The following KBTBD12 variants were observed in gnomAD, a reference collection of about 807,000 sequenced individuals.
KBTBD12 encodes the protein kelch repeat and BTB domain containing 12, also known as kelch repeat and BTB domain-containing protein 12.
A neutral mutation model predicts 58.7 loss-of-function variants in KBTBD12; 53 were observed. The ratio of observed to expected loss-of-function variants is 0.90; its 90% confidence interval spans 0.72 to 1.14. The LOEUF is 1.14. Ranked by LOEUF, KBTBD12 falls within the 50% of genes most tolerant of loss-of-function variation. The pLI is 0.00. For synonymous variants in KBTBD12, 236 were observed against 259.8 expected (o/e 0.91, Z 0.88); for missense variants, 704 against 751.3 (o/e 0.94, Z 0.74).
intron 4 of KBTBD12, among the ~76,000 whole-genome samples, chr3:127,946,713 C>T (rs1482430629): frequency 1.3e-5 from 2 of 152,062 alleles, no homozygotes; most frequent in South Asian, 2.1e-4. Context: ...TTAAATATTG[C>T]TTCTATTTTG....
At chr3:127,946,025 G>A (rs200257165) in intron 4 of KBTBD12, among the ~76,000 whole-genome samples, 1 of 152,092 alleles carries the variant, frequency 6.6e-6, no homozygotes, top group East Asian at 1.9e-4. Context: ...TCAATATGAA[G>A]TCTTGACTTA....
At chr3:127,975,399 T>C (rs1230390994) in intron 5 of KBTBD12, among the ~76,000 whole-genome samples, 2 of 152,196 alleles carry the variant, frequency 1.3e-5, no homozygotes, top group East Asian at 3.9e-4. Flanking sequence ...GTATGTCAGC[T>C]GATACTTCTG....
intron 5 of KBTBD12, among the ~76,000 whole-genome samples, chr3:127,969,973 G>A (rs1273519944): frequency 5.9e-5 from 9 of 151,934 alleles, no homozygotes; most frequent in African/African-American, 2.2e-4. Context: ...AAATCAAAAC[G>A]TTTGTGCTTC....
intron 4 of KBTBD12, among the ~76,000 whole-genome samples, chr3:127,958,683 T>C (rs917940271): frequency 6.6e-6 from 1 of 152,196 alleles, no homozygotes; most frequent in South Asian, 2.1e-4. Flanking sequence ...CCCTCCAAAA[T>C]GAAGCAAAAT....
At chr3:127,975,180 G>C (rs1296506897) in intron 5 of KBTBD12, among the ~76,000 whole-genome samples, 1 of 152,210 alleles carries the variant, frequency 6.6e-6, no homozygotes, top group African/African-American at 2.4e-5. Context: ...CTGAGGGTCA[G>C]TCCCACTGAG....
At chr3:127,920,225 A>G (rs1285873999) in intron 1 of KBTBD12, among the ~76,000 whole-genome samples, 1 of 152,134 alleles carries the variant, frequency 6.6e-6, no homozygotes, top group Non-Finnish European at 1.5e-5. Context: ...GCTCATACTT[A>G]CTTTGTTGAA....
intron 4 of KBTBD12, among the ~76,000 whole-genome samples, chr3:127,945,678 CTT>C (rs36060646): frequency 0.33 from 41,950 of 126,470 alleles, 5,314 homozygotes; most frequent in African/African-American, 0.38. Context: ...CTTATTTTCA[CTT>C]TTTTTTTTTT....
chr3:127,922,103 C>T (rs1939423965), intron 1 of KBTBD12, among the ~76,000 whole-genome samples: 2 of 152,106 alleles, frequency 1.3e-5, no homozygotes, highest in South Asian at 2.1e-4. Context: ...TTTAAATTAA[C>T]TTCCTTGAAA....
chr3:127,981,928 T>C (rs1940880936), intron 5 of KBTBD12, among the ~76,000 whole-genome samples: 1 of 152,210 alleles, frequency 6.6e-6, no homozygotes, highest in Admixed American at 6.5e-5. Flanking sequence ...TTTTCAAAAA[T>C]TGACTTCCAC....
chr3:127,965,868 T>C (rs1042697555), intron 5 of KBTBD12, among the ~76,000 whole-genome samples: 4 of 152,184 alleles, frequency 2.6e-5, no homozygotes, highest in African/African-American at 7.2e-5. Context: ...AGTGTAATCC[T>C]AACTGGCAAC....
intron 5 of KBTBD12, among the ~76,000 whole-genome samples, chr3:127,970,768 T>G (rs1308415626): frequency 1.3e-5 from 2 of 152,202 alleles, no homozygotes; most frequent in African/African-American, 4.8e-5. Flanking sequence ...GATTTGTGAT[T>G]GCCAGAAAAT....
intron 4 of KBTBD12, among the ~76,000 whole-genome samples, chr3:127,954,126 A>G (rs558221025): frequency 7.9e-4 from 121 of 152,298 alleles, no homozygotes; most frequent in Non-Finnish European, 1.5e-3. Flanking sequence ...TCTAAGGAAA[A>G]ATCTTTTGTC....
At chr3:127,933,686 AACTTTTAAGGTACTCCCAT>A (rs1435890334) in intron 4 of KBTBD12, among the ~76,000 whole-genome samples, 3 of 152,240 alleles carry the variant, frequency 2.0e-5, no homozygotes, top group African/African-American at 7.2e-5. Flanking sequence ...AAACTATTTG[AACTTTTAAGGTACTCCCAT>A]GCAGATCCAC....
intron 4 of KBTBD12, among the ~76,000 whole-genome samples, chr3:127,935,771 C>T (rs762498069): frequency 2.6e-5 from 4 of 152,042 alleles, no homozygotes; most frequent in Non-Finnish European, 5.9e-5. Flanking sequence ...ACACGCTAAT[C>T]AAAAGGCAAA....
At chr3:127,963,013 T>C (rs985801573) in intron 4 of KBTBD12, among the ~76,000 whole-genome samples, 176 bp from the exon 5 acceptor site, 5 of 152,228 alleles carry the variant, frequency 3.3e-5, no homozygotes, top group African/African-American at 1.2e-4. Flanking sequence ...AATGTCGCTA[T>C]GGAGTACACA....
intron 5 of KBTBD12, chr3:127,963,678 A>G (rs1260547263): frequency 2.3e-5 from 7 of 299,686 alleles, no homozygotes; most frequent in Non-Finnish European, 4.3e-5. Flanking sequence ...GTCGGGCCTG[A>G]TTAGTACTTG....
chr3:127,977,542 AT>A (rs1370409399), intron 5 of KBTBD12, among the ~76,000 whole-genome samples: 1 of 152,334 alleles, frequency 6.6e-6, no homozygotes, highest in East Asian at 1.9e-4. Flanking sequence ...GTGAGATAGT[AT>A]CTCATTGTGG....
intron 2 of KBTBD12, among the ~76,000 whole-genome samples, chr3:127,925,397 G>A (rs531054383): frequency 2.0e-4 from 30 of 152,272 alleles, no homozygotes; most frequent in Admixed American, 7.2e-4. Context: ...TTGGTTGGGT[G>A]CCCTTCTTTC....
At chr3:127,970,372 T>G (rs1306544823) in intron 5 of KBTBD12, among the ~76,000 whole-genome samples, 2 of 152,182 alleles carry the variant, frequency 1.3e-5, no homozygotes, top group African/African-American at 4.8e-5. Flanking sequence ...TGGCAGTTCC[T>G]CAAGAGGTTG....
Sources: allele counts gnomAD v4.1 joint callset (sites outside exome capture counted in the v4.1 genomes callset), GRCh38; gene constraint gnomAD v4.1.1; transcripts MANE v1.5; gene names NCBI Gene and HGNC (gene_info 2026-07-23, HGNC 2026-07-21).